CDH13: variants seen among roughly 807,000 people sequenced by gnomAD.
The protein encoded by CDH13 is cadherin 13.
A neutral mutation model predicts 63.8 loss-of-function variants in CDH13; 24 were observed. The observed-to-expected ratio is 0.38, with a 90% confidence interval of 0.27 to 0.53. CDH13 has a LOEUF of 0.53. Among genes scored for constraint, CDH13 ranks in the 20% least tolerant of loss-of-function variants. CDH13 has a pLI of 0.85. For missense variants in CDH13, 1,049 were observed against 903.1 expected, an observed-to-expected ratio of 1.16 and a Z score of -2.07; for synonymous variants, 503 against 355.3, an observed-to-expected ratio of 1.42 and a Z score of -4.67.
intron 1 of CDH13, among the ~76,000 whole-genome samples, chr16:82,664,435 G>C (rs111392938): frequency 9.3e-4 from 141 of 152,362 alleles, no homozygotes; most frequent in African/African-American, 3.3e-3. Flanking sequence ...GAACACAGCA[G>C]TGGGGGCTCA....
At chr16:83,089,584 T>A (rs112648349) in intron 3 of CDH13, among the ~76,000 whole-genome samples, 6,356 of 152,258 alleles carry the variant, frequency 0.042, 424 homozygotes, top group African/African-American at 0.14. Flanking sequence ...TGGTGCCTGC[T>A]CTGGAGGTGG....
chr16:83,137,760 C>G lies in CDH13; in HGVS notation c.483+12259C>G, dbSNP rs552830809. ...CCAGGGCGCAGTGGGGATGGACTGG[C>G]CTTTTCACGGTCCAATTACTGGTCC... is the stretch of plus-strand genomic sequence containing the variant. On this transcript the variant is annotated intron_variant, in intron 4 of 13. Transcript: ENST00000567109. 2.6e-5 allele frequency among the ~76,000 whole-genome samples: 4 copies of G among 152,260 alleles called. No homozygotes were observed. In the East Asian group the frequency reaches 7.7e-4, roughly 29 times the overall value.
At chr16:83,376,563 C>G (rs1481750680) in intron 6 of CDH13, among the ~76,000 whole-genome samples, 2 of 151,958 alleles carry the variant, frequency 1.3e-5, no homozygotes, top group South Asian at 2.1e-4. Context: ...ATTATTCTGG[C>G]TTTGGAGAAT....
At chr16:83,486,191 G>A (rs1050789659) in intron 6 of CDH13, among the ~76,000 whole-genome samples, 1 of 151,986 alleles carries the variant, frequency 6.6e-6, no homozygotes, top group Non-Finnish European at 1.5e-5. Context: ...TGGAATGAAA[G>A]CCCCTGAAAA....
intron 2 of CDH13, among the ~76,000 whole-genome samples, chr16:82,979,175 G>GT (rs1329093715): frequency 6.6e-6 from 1 of 152,174 alleles, no homozygotes; most frequent in African/African-American, 2.4e-5. Flanking sequence ...TCCAATGCCT[G>GT]TACCCCCATT....
chr16:82,736,090 G>A (rs912104818), intron 1 of CDH13, among the ~76,000 whole-genome samples: 1 of 152,294 alleles, frequency 6.6e-6, no homozygotes, highest in African/African-American at 2.4e-5. Flanking sequence ...ATTCCCCTGA[G>A]TTTCCAAACT....
chr16:83,348,264 T>C (rs1207602577), intron 6 of CDH13, among the ~76,000 whole-genome samples: 1 of 152,134 alleles, frequency 6.6e-6, no homozygotes, highest in Non-Finnish European at 1.5e-5. Flanking sequence ...CACCACAGAC[T>C]CTTTGCAGGC....
At chr16:82,871,922 C>G (rs543386495) in intron 2 of CDH13, among the ~76,000 whole-genome samples, 108 of 152,280 alleles carry the variant, frequency 7.1e-4, no homozygotes, top group Non-Finnish European at 1.4e-3. Flanking sequence ...CCCAGTGTTC[C>G]AGCAAATATC....
chr16:82,627,050 G>A lies in CDH13; in HGVS notation c.-43G>A, dbSNP rs1042438816. ...CGGAAAATATGCTCAGTGCAGCCGC[G>A]TGCATGAATGAAAACGCCGCCGGGC... On this transcript the variant is annotated 5_prime_UTR_variant, in exon 1 of 14. In the 5' UTR this introduces an upstream ATG that the reference lacks. Transcript: ENST00000567109. The A allele has an allele frequency of 6.4e-7, 1 of 1,573,502 alleles. No homozygotes were observed. Among genetic ancestry groups the A allele is most frequent in the South Asian group, 1.2e-5 (1 of 85,586 alleles).
chr16:83,710,054 C>T (rs369970675), intron 10 of CDH13: 2 of 152,234 alleles, frequency 1.3e-5, no homozygotes, highest in East Asian at 1.9e-4. Flanking sequence ...TTGTCAGTGT[C>T]TAGAACATTT....
intron 2 of CDH13, among the ~76,000 whole-genome samples, chr16:82,947,038 G>A (rs536509064): frequency 6.6e-6 from 1 of 151,390 alleles, no homozygotes; most frequent in Non-Finnish European, 1.5e-5. Context: ...GTGTGTGTGT[G>A]TGTGTGTGTG....
chr16:83,188,893 C>G (rs1295434263), intron 4 of CDH13, among the ~76,000 whole-genome samples: 1 of 152,070 alleles, frequency 6.6e-6, no homozygotes, highest in Non-Finnish European at 1.5e-5. Context: ...ACATCACTGA[C>G]AAAGATATTG....
At chr16:83,333,444 G>A (rs12597147) in intron 5 of CDH13, among the ~76,000 whole-genome samples, 59,158 of 151,748 alleles carry the variant, frequency 0.39, 11,915 homozygotes, top group East Asian at 0.48. Flanking sequence ...AGATTGCCCA[G>A]CCTCCCCCTG....
At chr16:83,554,670 A>G (rs2075568935) in intron 7 of CDH13, among the ~76,000 whole-genome samples, 1 of 152,094 alleles carries the variant, frequency 6.6e-6, no homozygotes, top group East Asian at 1.9e-4. Flanking sequence ...GGCCATCACA[A>G]CCTTACACAC....
chr16:83,278,701 C>T (rs547530858), intron 5 of CDH13, among the ~76,000 whole-genome samples: 1 of 152,286 alleles, frequency 6.6e-6, no homozygotes. Context: ...TTTCATATGT[C>T]AGCAGAGAAG....
At chr16:83,524,538 C>T (rs541440929) in intron 7 of CDH13, among the ~76,000 whole-genome samples, 105 of 150,434 alleles carry the variant, frequency 7.0e-4, no homozygotes, top group African/African-American at 2.4e-3. Context: ...CTGCAAGCTC[C>T]GCCTCCTGGG....
chr16:83,121,037 C>G (rs1056956493), intron 3 of CDH13, among the ~76,000 whole-genome samples: 2 of 152,296 alleles, frequency 1.3e-5, no homozygotes, highest in East Asian at 3.9e-4. Context: ...GCTGGGATTA[C>G]AGGCGTGATC....
At chr16:83,397,908 C>G (rs2091911783) in intron 6 of CDH13, 1 of 152,176 alleles carries the variant, frequency 6.6e-6, no homozygotes, top group Admixed American at 6.5e-5. Flanking sequence ...GAGAACTGAC[C>G]TGGAACAATT....
intron 4 of CDH13, among the ~76,000 whole-genome samples, chr16:83,126,710 T>A (rs2035826454): frequency 6.6e-6 from 1 of 152,148 alleles, no homozygotes; most frequent in African/African-American, 2.4e-5. Flanking sequence ...CAGACATTGG[T>A]GAGCCTGGAA....
Sources: gnomAD v4.1 joint callset for allele counts (sites outside exome capture counted in the v4.1 genomes callset) on GRCh38, gnomAD v4.1.1 for gene constraint, MANE v1.5 for transcripts, NCBI Gene and HGNC (gene_info 2026-07-23, HGNC 2026-07-21) for gene names.